SNX29: variants seen among roughly 807,000 people sequenced by gnomAD.
SNX29 encodes sorting nexin-29.
A neutral mutation model predicts 102.1 loss-of-function variants in SNX29; 78 were observed. That is an observed-to-expected ratio of 0.76 (90% CI 0.64 to 0.92). The LOEUF is 0.92. Ranked by LOEUF, SNX29 falls within the 40% of genes least tolerant of loss-of-function variation. The pLI is 0.00. For missense variants in SNX29, 1,280 were observed against 1,061.7 expected, an observed-to-expected ratio of 1.21 and a Z score of -2.86; for synonymous variants, 580 against 414.5, an observed-to-expected ratio of 1.40 and a Z score of -4.85.
intron 15 of SNX29, among the ~76,000 whole-genome samples, chr16:12,333,106 A>ATTTT (rs34047585): frequency 0.42 from 56,904 of 135,410 alleles, 12,821 homozygotes; most frequent in South Asian, 0.69. Context: ...CAATCAGTTA[A>ATTTT]TTTTTTTTTT....
intron 1 of SNX29, among the ~76,000 whole-genome samples, chr16:11,978,339 C>T (rs2055346570): frequency 6.6e-6 from 1 of 152,250 alleles, no homozygotes; most frequent in East Asian, 1.9e-4. Context: ...TGAGGCCAGA[C>T]ATCCTGGGTT....
chr16:12,378,720 C>T (rs1396139258), intron 16 of SNX29, among the ~76,000 whole-genome samples: 4 of 152,148 alleles, frequency 2.6e-5, no homozygotes, highest in Admixed American at 2.6e-4. Context: ...CAAGTGTCAG[C>T]TTCACGGTGA....
At chr16:12,222,054 C>T (rs2077492989) in intron 14 of SNX29, among the ~76,000 whole-genome samples, 2 of 152,192 alleles carry the variant, frequency 1.3e-5, no homozygotes, top group Non-Finnish European at 2.9e-5. Flanking sequence ...AGTGCTAACT[C>T]CATGCCGGGC....
At chr16:12,005,784 G>A (rs777406688) in intron 3 of SNX29, among the ~76,000 whole-genome samples, 11 of 152,184 alleles carry the variant, frequency 7.2e-5, no homozygotes, top group East Asian at 1.9e-4. Context: ...GCTCATGGAA[G>A]CCAGTTGGAT....
At chr16:12,476,374 A>T (rs1197553133) in intron 18 of SNX29, among the ~76,000 whole-genome samples, 4 of 37,140 alleles carry the variant, frequency 1.1e-4, no homozygotes, top group African/African-American at 3.4e-4. Context: ...AAAAAAAAAA[A>T]AAAAAAAAAA....
At chr16:12,074,932 T>C (rs2051478239) in intron 10 of SNX29, among the ~76,000 whole-genome samples, 1 of 152,256 alleles carries the variant, frequency 6.6e-6, no homozygotes, top group Non-Finnish European at 1.5e-5. Flanking sequence ...CCATCACTGA[T>C]ACCCTTTCTT....
chr16:12,556,809 G>C (rs917916483), intron 20 of SNX29, among the ~76,000 whole-genome samples: 1 of 152,126 alleles, frequency 6.6e-6, no homozygotes, highest in African/African-American at 2.4e-5. Context: ...CTTTACTAAA[G>C]TACAGAAGCC....
chr16:12,265,989 C>A (rs1200287539), intron 14 of SNX29, among the ~76,000 whole-genome samples: 2 of 152,198 alleles, frequency 1.3e-5, no homozygotes, highest in Non-Finnish European at 2.9e-5. Context: ...CCATTATCCC[C>A]ATTTTACAAA....
chr16:12,558,325 C>G (rs1169287608), intron 20 of SNX29, among the ~76,000 whole-genome samples: 4 of 150,894 alleles, frequency 2.7e-5, no homozygotes, highest in Non-Finnish European at 5.9e-5. Context: ...AAGTGGCTAT[C>G]AACAAAGAGA....
At chr16:12,367,517 A>G (rs2082529347) in intron 16 of SNX29, 1 of 152,220 alleles carries the variant, frequency 6.6e-6, no homozygotes, top group African/African-American at 2.4e-5. Context: ...GATGAGATAG[A>G]TGGAAAAACC....
chr16:12,505,232 T>A (rs2151904021), intron 19 of SNX29, among the ~76,000 whole-genome samples: 1 of 152,368 alleles, frequency 6.6e-6, no homozygotes, highest in East Asian at 1.9e-4. Context: ...TGTCTTAGTC[T>A]GTTCAGGCTG....
At chr16:12,228,580 C>T (rs1184058677) in intron 14 of SNX29, among the ~76,000 whole-genome samples, 1 of 152,228 alleles carries the variant, frequency 6.6e-6, no homozygotes, top group African/African-American at 2.4e-5. Flanking sequence ...CTTCCCGTTG[C>T]AATTAAAATG....
At chr16:11,977,963 G>A (rs1174898063) in intron 1 of SNX29, 2 of 152,244 alleles carry the variant, frequency 1.3e-5, no homozygotes, top group Admixed American at 6.5e-5. Flanking sequence ...CAGCCGTCCT[G>A]GCCGTTGTCT....
At chr16:12,533,126 T>C (rs1226527219) in intron 20 of SNX29, among the ~76,000 whole-genome samples, 1 of 152,214 alleles carries the variant, frequency 6.6e-6, no homozygotes, top group African/African-American at 2.4e-5. Context: ...ACAGCTCTGC[T>C]TAGAAACACG....
At chr16:12,381,003 T>A (rs1405615661) in intron 16 of SNX29, among the ~76,000 whole-genome samples, 1 of 47,152 alleles carries the variant, frequency 2.1e-5, no homozygotes. Flanking sequence ...CCACCCACCA[T>A]CCATCCACCC....
chr16:12,369,037 T>G (rs1427870803), intron 16 of SNX29, among the ~76,000 whole-genome samples: 1 of 152,182 alleles, frequency 6.6e-6, no homozygotes, highest in Admixed American at 6.5e-5. Context: ...TGGTCTCTTA[T>G]AGAAACTGCC....
intron 19 of SNX29, among the ~76,000 whole-genome samples, chr16:12,478,942 A>T (rs936472793): frequency 1.3e-5 from 2 of 152,194 alleles, no homozygotes; most frequent in African/African-American, 4.8e-5. Flanking sequence ...TATGTGTTCA[A>T]TAGCTTGGCA....
intron 14 of SNX29, among the ~76,000 whole-genome samples, chr16:12,240,469 T>A (rs2078067877): frequency 1.3e-5 from 2 of 152,204 alleles, no homozygotes; most frequent in African/African-American, 4.8e-5. Context: ...GCTGTCAGTT[T>A]TTTAGTATTG....
chr16:12,521,760 G>A (rs1283780317), intron 19 of SNX29, among the ~76,000 whole-genome samples: 1 of 152,168 alleles, frequency 6.6e-6, no homozygotes, highest in South Asian at 2.1e-4. Flanking sequence ...GTTTAATGGC[G>A]GGTTGAAACT....
Sources: gnomAD v4.1 joint callset for allele counts (sites outside exome capture counted in the v4.1 genomes callset) on GRCh38, gnomAD v4.1.1 for gene constraint, MANE v1.5 for transcripts, NCBI Gene and HGNC (gene_info 2026-07-23, HGNC 2026-07-21) for gene names.